The following PPIH variants were observed in gnomAD, a reference collection of about 807,000 sequenced individuals.
The protein encoded by PPIH is peptidylprolyl isomerase H.
Under a neutral mutation model 27.6 loss-of-function variants are expected in PPIH, and 16 were observed. That is an observed-to-expected ratio of 0.58 (90% CI 0.39 to 0.88). PPIH has a LOEUF of 0.88. Among genes scored for constraint, PPIH ranks in the 40% least tolerant of loss-of-function variants. The pLI is 0.00. For missense variants in PPIH, 155 were observed against 224.1 expected (o/e 0.69, Z 1.97); for synonymous variants, 63 against 76.1 (o/e 0.83, Z 0.90).
chr1:42,658,887 C>T lies in PPIH; in HGVS notation c.110C>T (p.Pro37Leu). The change falls in exon 2 of 10, where the codon CCT becomes CTT. Residue 37 changes from proline (P) to leucine (L), a missense_variant. By Grantham distance (98) the Pro-to-Leu change is moderately conservative. Around this residue, in one of 2 missense-constraint regions of PPIH, gnomAD observed 59 missense variants for 48.8 expected, o/e 1.21. Transcript: ENST00000304979. ...ATCGAGCTCTTTGCAGACGTTGTGC[C>T]TAAGACGGCCGAGAACTTTAGGTAA... ...MKIELFADVVPKTAENFRQFC... is the reference protein window; with the variant it reads ...MKIELFADVVLKTAENFRQFC... 6.2e-7 allele frequency: 1 copy of T among 1,614,252 alleles called. No homozygotes were observed. Among genetic ancestry groups the T allele is most frequent in the Non-Finnish European group, 8.5e-7 (1 of 1,180,046 alleles).
chr1:42,662,173 T>C (rs1649067630), intron 5 of PPIH, among the ~76,000 whole-genome samples: 1 of 152,154 alleles, frequency 6.6e-6, no homozygotes, highest in South Asian at 2.1e-4. Flanking sequence ...AATAGCTTTT[T>C]ACTAGTCTTT....
intron 7 of PPIH, among the ~76,000 whole-genome samples, 153 bp downstream of exon 7, chr1:42,666,220 CAT>C (rs1649329376): frequency 6.6e-6 from 1 of 152,230 alleles, no homozygotes; most frequent in East Asian, 1.9e-4. Flanking sequence ...AGGTGGGGAA[CAT>C]GTGTGGCTAG....
At chr1:42,672,270 G>A (rs1649678866) in intron 9 of PPIH, among the ~76,000 whole-genome samples, 6 of 152,150 alleles carry the variant, frequency 3.9e-5, no homozygotes. Context: ...GGTTTGGATG[G>A]GGACTGAGAT....
intron 9 of PPIH, among the ~76,000 whole-genome samples, chr1:42,676,153 A>G (rs927941810): frequency 6.6e-6 from 1 of 152,152 alleles, no homozygotes; most frequent in African/African-American, 2.4e-5. Flanking sequence ...CCTTTTGGGA[A>G]AAGAGGATTA....
intron 9 of PPIH, among the ~76,000 whole-genome samples, chr1:42,675,640 C>T (rs1003394629): frequency 1.5e-4 from 23 of 152,278 alleles, no homozygotes; most frequent in African/African-American, 4.1e-4. Context: ...GATGCCAGTA[C>T]CCATTGTCCA....
rs1557510378 is a variant in PPIH at position 42,660,891 on chromosome 1, GA to G, written c.231del (p.Asp78IlefsTer72). On this transcript the variant is annotated frameshift_variant, in exon 5 of 10. Transcript: ENST00000304979. LOFTEE classifies it high-confidence loss of function. ...RVIKDFMIQG[G>X]DFVNGDGTGV... ...ATAAAGGATTTCATGATTCAGGGTG[GA>G]GATTTTGTTAATGTAAGTACTATTC... 6.2e-7 allele frequency: 1 copy of G among 1,610,866 alleles called. No homozygotes were observed. Among genetic ancestry groups the G allele is most frequent in the South Asian group, 1.1e-5 (1 of 90,784 alleles).
At chr1:42,662,426 G>A (rs914080295) in intron 5 of PPIH, among the ~76,000 whole-genome samples, 1 of 152,110 alleles carries the variant, frequency 6.6e-6, no homozygotes, top group African/African-American at 2.4e-5. Flanking sequence ...GTGTGCGCCT[G>A]TAGTCCCAGG....
chr1:42,679,427 T>G (rs1397829284), downstream of PPIH, among the ~76,000 whole-genome samples: 1 of 152,200 alleles, frequency 6.6e-6, no homozygotes, highest in African/African-American at 2.4e-5. Flanking sequence ...TGACTTCAAG[T>G]GATCCGCCTG....
chr1:42,660,946 T>C, intron 5 of PPIH, 42 bp downstream of exon 5: 1 of 1,567,320 alleles, frequency 6.4e-7, no homozygotes, highest in Non-Finnish European at 8.8e-7. Flanking sequence ...GTAGTTTTAG[T>C]TTTTGTTGTT....
At position 42,658,872 on chromosome 1, in the gene PPIH, T is replaced by G; in HGVS notation, c.95T>G (p.Phe32Cys). ...GTTGGCCGCATGAAGATCGAGCTCTTTGCAGACGTTGTGCCTAAGACGGCC... is the reference window on the plus strand; with the variant it reads ...GTTGGCCGCATGAAGATCGAGCTCTGTGCAGACGTTGTGCCTAAGACGGCC... ...QEVGRMKIEL[F>C]ADVVPKTAEN... The change falls in exon 2 of 10, where the codon TTT becomes TGT. Residue 32 changes from phenylalanine to cysteine, a missense_variant. Physicochemically the swap from Phe to Cys is radical, Grantham distance 205. Coordinates refer to ENST00000304979, the MANE Select transcript of PPIH (RefSeq NM_006347.4). The G allele has an allele frequency of 6.2e-7, 1 of 1,614,226 alleles. No homozygotes were observed.
At chr1:42,667,925 C>T (rs1649431414) in intron 9 of PPIH, among the ~76,000 whole-genome samples, 1 of 152,234 alleles carries the variant, frequency 6.6e-6, no homozygotes, top group Non-Finnish European at 1.5e-5. Context: ...TAGGTGAATG[C>T]CTTGCATCTT....
At chr1:42,678,563 C>G (rs1020393511), downstream of PPIH, among the ~76,000 whole-genome samples, 2 of 152,012 alleles carry the variant, frequency 1.3e-5, no homozygotes, top group Non-Finnish European at 2.9e-5. Flanking sequence ...CCGTGCCCGT[C>G]TAATTTTTTG....
At position 42,666,537 on chromosome 1, in the gene PPIH, C is replaced by T; in HGVS notation, c.425-10C>T. 6.2e-7 allele frequency: 1 copy of T among 1,613,500 alleles called. No homozygotes were observed. Among genetic ancestry groups the T allele is most frequent in the Non-Finnish European group, 8.5e-7 (1 of 1,179,470 alleles). ...ACAAGAATAAAGTCCAGCTCATGCT[C>T]TTCCTACAGGAAAAATCATCGATGG... On this transcript the variant is annotated splice_polypyrimidine_tract_variant and intron_variant, in intron 7 of 9. Coordinates refer to ENST00000304979, the MANE Select transcript of PPIH (RefSeq NM_006347.4).
chr1:42,679,962 C>T (rs144932919), downstream of PPIH, among the ~76,000 whole-genome samples: 44 of 152,274 alleles, frequency 2.9e-4, no homozygotes, highest in African/African-American at 9.6e-4. Context: ...TACACCATGT[C>T]GCTCATTTAA....
downstream of PPIH, among the ~76,000 whole-genome samples, chr1:42,680,583 G>A (rs140999371): frequency 3.0e-3 from 450 of 152,288 alleles, 1 homozygote; most frequent in African/African-American, 0.01. Context: ...TGATCAGATA[G>A]ATGTTCTCAA....
intron 5 of PPIH, 90 bp from the exon 6 acceptor site, chr1:42,664,773 A>G: frequency 1.0e-6 from 1 of 975,692 alleles, no homozygotes; most frequent in Non-Finnish European, 1.5e-6. Context: ...GACTTTAAAG[A>G]TGTCATGCTT....
At chr1:42,664,213 C>T (rs952816823) in intron 5 of PPIH, among the ~76,000 whole-genome samples, 4 of 152,196 alleles carry the variant, frequency 2.6e-5, no homozygotes, top group African/African-American at 4.8e-5. Flanking sequence ...CTCTAGTGCT[C>T]GCTACACATC....
At chr1:42,658,763 G>A (rs947217407) in intron 1 of PPIH, 81 bp from the exon 2 acceptor site, 2 of 1,487,836 alleles carry the variant, frequency 1.3e-6, no homozygotes, top group Non-Finnish European at 1.9e-6. Flanking sequence ...CAGGGTGGTG[G>A]GTCAGCCCAT....
At chr1:42,671,885 C>CTTT (rs373111692) in intron 9 of PPIH, among the ~76,000 whole-genome samples, 1 of 140,286 alleles carries the variant, frequency 7.1e-6, no homozygotes, top group Non-Finnish European at 1.5e-5. Context: ...TTCTTTCTTT[C>CTTT]TTTTTTTTTT....
Sources: allele counts gnomAD v4.1 joint callset (sites outside exome capture counted in the v4.1 genomes callset), GRCh38; gene constraint gnomAD v4.1.1; regional missense constraint gnomAD v4.1.1; transcripts MANE v1.5; gene names NCBI Gene and HGNC (gene_info 2026-07-23, HGNC 2026-07-21).